Variants in SDC2 observed in about 807,000 individuals in gnomAD.
The protein encoded by SDC2 is syndecan-2.
Under a neutral mutation model 22.2 loss-of-function variants are expected in SDC2, and 13 were observed. The observed-to-expected ratio is 0.59, with a 90% CI of 0.38 to 0.93. The LOEUF (loss-of-function observed/expected upper bound fraction) is 0.93, where lower values mean the gene tolerates loss of function less well. SDC2 is among the 40% of genes least tolerant of loss of function. The probability of loss-of-function intolerance (pLI) is 0.00; values close to 1 mark genes in which losing one functional copy is unlikely to be tolerated. For missense variants in SDC2, 235 were observed against 246.8 expected, an observed-to-expected ratio of 0.95 and a Z score of 0.32; for synonymous variants, 94 against 92.8, an observed-to-expected ratio of 1.01 and a Z score of -0.07.
At chr8:96,551,399 T>C (rs1022165965) in intron 1 of SDC2, among the ~76,000 whole-genome samples, 1 of 152,242 alleles carries the variant, frequency 6.6e-6, no homozygotes, top group Non-Finnish European at 1.5e-5. Flanking sequence ...ATACTGCCTG[T>C]TTACTATGTG....
Position 96,494,120 on chromosome 8 carries a change from G to A in SDC2, c.-152G>A, listed in dbSNP as rs1563635924. On this transcript the variant is annotated 5_prime_UTR_variant, in exon 1 of 5. Transcript: ENST00000302190. ...GCAGGAGGAGGAAGCGAGCGCCCCC[G>A]AGCCCCGAGCCCGAGTCCCCGAGCC... is the stretch of plus-strand genomic sequence containing the variant. The A allele has an allele frequency of 4.2e-6, 3 of 713,040 alleles. No individual in the cohort carries two copies. Among genetic ancestry groups the A allele is most frequent in the South Asian group, 1.9e-5 (1 of 51,822 alleles). The allele number at this position is 713,040 out of a possible 1,614,324, so 44.2% of individuals were successfully genotyped here. A position where few individuals can be genotyped will look rare whatever the true frequency, so the allele number is the denominator to read the frequency against.
At chr8:96,580,339 G>C in intron 1 of SDC2, 1 of 976,480 alleles carries the variant, frequency 1.0e-6, no homozygotes, top group Non-Finnish European at 1.2e-6. Context: ...GGAAGGGAGA[G>C]TCAGAGGATG....
At chr8:96,507,976 A>G (rs904621383) in intron 1 of SDC2, among the ~76,000 whole-genome samples, 2 of 152,048 alleles carry the variant, frequency 1.3e-5, no homozygotes, top group African/African-American at 2.4e-5. Context: ...AGCCTGGCCA[A>G]CATGGTGAAA....
chr8:96,551,286 G>T (rs538031473), intron 1 of SDC2, among the ~76,000 whole-genome samples: 21 of 152,302 alleles, frequency 1.4e-4, no homozygotes, highest in African/African-American at 5.1e-4. Context: ...GAGAAAACCT[G>T]CCTGTAGTTA....
intron 1 of SDC2, among the ~76,000 whole-genome samples, chr8:96,513,377 G>A (rs1813356626): frequency 6.6e-6 from 1 of 152,138 alleles, no homozygotes; most frequent in South Asian, 2.1e-4. Context: ...GGCGTTTGTT[G>A]TTTCTCTCCT....
rs1238513234 is a variant in SDC2 at position 96,494,228 on chromosome 8, C to G, written c.-44C>G. On this transcript the variant is annotated 5_prime_UTR_variant, in exon 1 of 5. Transcript: ENST00000302190. Reference sequence around the variant, plus strand: ...CGCTGGGCAGGAGGCTTCGTTTTGCCCTGGTTGCAAGCAGCGGCTGGGAGC... The same window carrying G: ...CGCTGGGCAGGAGGCTTCGTTTTGCGCTGGTTGCAAGCAGCGGCTGGGAGC... 1.3e-5 allele frequency: 20 copies of G among 1,536,010 alleles called. No homozygotes were observed. Among genetic ancestry groups the G allele is most frequent in the East Asian group, 2.5e-5 (1 of 40,768 alleles).
intron 3 of SDC2, among the ~76,000 whole-genome samples, chr8:96,605,654 A>G (rs1028421506): frequency 6.6e-6 from 1 of 152,194 alleles, no homozygotes. Flanking sequence ...TTTGTAAGTC[A>G]TGGCAGGTTG....
intron 1 of SDC2, among the ~76,000 whole-genome samples, chr8:96,514,176 A>G (rs1211449902): frequency 6.6e-6 from 1 of 152,154 alleles, no homozygotes; most frequent in African/African-American, 2.4e-5. Context: ...GAAATCTAAC[A>G]TTACCTCAAA....
At chr8:96,584,833 A>G (rs1025383620) in intron 1 of SDC2, 1 of 152,248 alleles carries the variant, frequency 6.6e-6, no homozygotes, top group East Asian at 1.9e-4. Context: ...GTAAGTCATG[A>G]ACATTTTCCT....
In SDC2 at chr8:96,601,502, G is replaced by T. The variant is rs1040542736; in HGVS notation, c.173-893G>T. ...TAAAAATACAAAAAATTAGCTGGGT[G>T]TCGTAGCATGCGCCTGTAGTCCCAG... is the stretch of plus-strand genomic sequence containing the variant. On this transcript the variant is annotated intron_variant, in intron 2 of 4. Transcript: ENST00000302190. Among the ~76,000 whole-genome samples, 11 of 151,838 alleles carry T rather than the reference G, an allele frequency of 7.2e-5. No individual in the cohort carries two copies. In the East Asian group the frequency reaches 2.0e-3, roughly 28 times the overall value.
intron 1 of SDC2, among the ~76,000 whole-genome samples, chr8:96,514,817 G>T (rs1417586574): frequency 1.3e-5 from 2 of 152,130 alleles, no homozygotes; most frequent in African/African-American, 4.8e-5. Flanking sequence ...CTGACAGGAG[G>T]CGGAGTGCAG....
At chr8:96,567,758 A>T (rs2130575700) in intron 1 of SDC2, among the ~76,000 whole-genome samples, 1 of 152,256 alleles carries the variant, frequency 6.6e-6, no homozygotes, top group African/African-American at 2.4e-5. Flanking sequence ...TTTTTGCTAA[A>T]CTTATTTTTA....
intron 1 of SDC2, among the ~76,000 whole-genome samples, chr8:96,511,236 G>A (rs1277187693): frequency 6.6e-6 from 1 of 152,102 alleles, no homozygotes; most frequent in African/African-American, 2.4e-5. Context: ...GTGGGGCACG[G>A]GTGTCAGTAT....
intron 1 of SDC2, among the ~76,000 whole-genome samples, chr8:96,573,492 C>A (rs1178263728): frequency 6.6e-6 from 1 of 151,816 alleles, no homozygotes; most frequent in Non-Finnish European, 1.5e-5. Flanking sequence ...AGGTCTTATC[C>A]ATGTAAAGTG....
intron 1 of SDC2, among the ~76,000 whole-genome samples, chr8:96,535,240 A>C (rs1333654190): frequency 3.9e-5 from 6 of 152,112 alleles, no homozygotes; most frequent in East Asian, 3.9e-4. Context: ...GACTTCTGAC[A>C]TCATGATTCG....
chr8:96,500,932 C>T (rs1202605947), intron 1 of SDC2, among the ~76,000 whole-genome samples: 8 of 152,122 alleles, frequency 5.3e-5, no homozygotes, highest in Non-Finnish European at 8.8e-5. Flanking sequence ...TGGAGATTTT[C>T]CATTTGCATT....
intron 1 of SDC2, among the ~76,000 whole-genome samples, chr8:96,583,687 G>GTATT (rs1814632362): frequency 8.5e-6 from 1 of 118,020 alleles, no homozygotes; most frequent in Non-Finnish European, 1.7e-5. Context: ...TGAAATATAT[G>GTATT]TGTGTGTGTG....
At chr8:96,546,728 C>CA (rs970014794) in intron 1 of SDC2, among the ~76,000 whole-genome samples, 1 of 152,200 alleles carries the variant, frequency 6.6e-6, no homozygotes, top group Admixed American at 6.5e-5. Context: ...TTATTGCTAT[C>CA]AAGTTTGGAG....
At chr8:96,507,432 G>T (rs1813259569) in intron 1 of SDC2, among the ~76,000 whole-genome samples, 1 of 152,192 alleles carries the variant, frequency 6.6e-6, no homozygotes, top group Non-Finnish European at 1.5e-5. Flanking sequence ...ATCCTTTGGT[G>T]TTTAGATACT....
Sources: allele counts gnomAD v4.1 joint callset (sites outside exome capture counted in the v4.1 genomes callset), GRCh38; gene constraint gnomAD v4.1.1; transcripts MANE v1.5; gene names NCBI Gene and HGNC (gene_info 2026-07-23, HGNC 2026-07-21).